AKT3: variants seen among roughly 807,000 people sequenced by gnomAD.
The protein encoded by AKT3 is RAC-gamma serine/threonine-protein kinase.
A neutral mutation model predicts 65.3 loss-of-function variants in AKT3; 15 were observed. The ratio of observed to expected loss-of-function variants is 0.23; its 90% CI spans 0.15 to 0.35. The LOEUF (loss-of-function observed/expected upper bound fraction) is 0.35. Among genes scored for constraint, AKT3 ranks in the 10% least tolerant of loss-of-function variants. AKT3 has a pLI of 1.00. For synonymous variants in AKT3, 206 were observed against 183.8 expected, an observed-to-expected ratio of 1.12 and a Z score of -0.98; for missense variants, 243 against 576.5, an observed-to-expected ratio of 0.42 and a Z score of 5.92.
At chr1:243,521,176 T>C (rs1255740224) in intron 12 of AKT3, among the ~76,000 whole-genome samples, 1 of 152,226 alleles carries the variant, frequency 6.6e-6, no homozygotes. Context: ...GTGATTGTGG[T>C]ATCTTAATTG....
Position 243,503,932 on chromosome 1 carries a change from G to T in AKT3, c.*1317C>A. On this transcript the variant is annotated 3_prime_UTR_variant, in exon 14 of 14. Transcript: ENST00000673466. ...ATCATAACGTTTCAAATTCTTAAAT[G>T]AGCAAACGTCAACAGCTATTTGTTT... 4.4e-6 allele frequency: 1 copy of T among 226,244 alleles called. No homozygotes were observed. Among genetic ancestry groups the T allele is most frequent in the East Asian group, 6.4e-5 (1 of 15,506 alleles). The allele number at this position is 226,244 out of a possible 1,614,324, so 14.0% of individuals were successfully genotyped here.
At chr1:243,644,947 G>A (rs1193975115) in intron 5 of AKT3, among the ~76,000 whole-genome samples, 1 of 152,116 alleles carries the variant, frequency 6.6e-6, no homozygotes, top group Non-Finnish European at 1.5e-5. Context: ...AATCTACAAT[G>A]AAGACAGAAA....
At chr1:243,566,486 G>C (rs1378191440) in intron 9 of AKT3, among the ~76,000 whole-genome samples, 1 of 152,116 alleles carries the variant, frequency 6.6e-6, no homozygotes, top group Non-Finnish European at 1.5e-5. Context: ...GATATAGTAA[G>C]AAATAAGATA....
At chr1:243,638,876 A>T (rs1680170752) in intron 5 of AKT3, among the ~76,000 whole-genome samples, 1 of 152,148 alleles carries the variant, frequency 6.6e-6, no homozygotes. Context: ...AATGATACAG[A>T]TCAGAGCAGA....
intron 12 of AKT3, among the ~76,000 whole-genome samples, chr1:243,535,552 T>C (rs1384076501): frequency 2.0e-5 from 3 of 152,216 alleles, no homozygotes; most frequent in Non-Finnish European, 4.4e-5. Flanking sequence ...ATACATTATT[T>C]TGTTCTTTTT....
chr1:243,709,245 C>T (rs1454873039), intron 2 of AKT3, among the ~76,000 whole-genome samples: 1 of 147,382 alleles, frequency 6.8e-6, no homozygotes, highest in Non-Finnish European at 1.5e-5. Context: ...CAGGTCCCAC[C>T]ACTTCTCCCA....
chr1:243,585,787 C>G (rs1344921700), intron 8 of AKT3, among the ~76,000 whole-genome samples: 1 of 152,052 alleles, frequency 6.6e-6, no homozygotes, highest in East Asian at 1.9e-4. Context: ...TATAAGAATC[C>G]TAGAAGAAAA....
At chr1:243,732,610 A>C (rs1255038149) in intron 2 of AKT3, among the ~76,000 whole-genome samples, 1 of 152,228 alleles carries the variant, frequency 6.6e-6, no homozygotes, top group African/African-American at 2.4e-5. Flanking sequence ...AAAAATAAGT[A>C]ATAAATACCA....
At chr1:243,666,346 T>C (rs1682777200) in intron 3 of AKT3, among the ~76,000 whole-genome samples, 1 of 152,174 alleles carries the variant, frequency 6.6e-6, no homozygotes, top group Non-Finnish European at 1.5e-5. Flanking sequence ...AGAGAAATCA[T>C]TCACCCAAGG....
chr1:243,587,616 T>C (rs940413707), intron 8 of AKT3, among the ~76,000 whole-genome samples: 12 of 151,936 alleles, frequency 7.9e-5, no homozygotes, highest in African/African-American at 2.9e-4. Flanking sequence ...GTCTCAAAAA[T>C]ACATACATAA....
At chr1:243,489,118 A>T in intron 13 of AKT3, 1 of 1,612,852 alleles carries the variant, frequency 6.2e-7, no homozygotes, top group Non-Finnish European at 8.5e-7. Context: ...CTGTCGGAAG[A>T]GGTGGACCGG....
At chr1:243,819,404 G>C (rs552136724) in intron 2 of AKT3, among the ~76,000 whole-genome samples, 1 of 152,200 alleles carries the variant, frequency 6.6e-6, no homozygotes, top group African/African-American at 2.4e-5. Context: ...CTTCAGGCCA[G>C]ATCCTGACCC....
chr1:243,684,308 G>T (rs1684132748), intron 3 of AKT3, among the ~76,000 whole-genome samples: 1 of 151,594 alleles, frequency 6.6e-6, no homozygotes, highest in African/African-American at 2.4e-5. Flanking sequence ...CCCTCCCCTA[G>T]CCCCCAATCT....
intron 8 of AKT3, 100 bp from the exon 9 acceptor site, chr1:243,573,148 T>G: frequency 7.4e-7 from 1 of 1,354,152 alleles, no homozygotes; most frequent in Non-Finnish European, 1.0e-6. Context: ...ATTGTGATGA[T>G]AGATAGTGTA....
At chr1:243,828,649 TCTTA>T (rs1272681955) in intron 2 of AKT3, among the ~76,000 whole-genome samples, 2 of 152,208 alleles carry the variant, frequency 1.3e-5, no homozygotes, top group Non-Finnish European at 2.9e-5. Flanking sequence ...ACATTTTTTC[TCTTA>T]CTTCATTGTA....
intron 2 of AKT3, among the ~76,000 whole-genome samples, chr1:243,812,350 C>A (rs1264282544): frequency 2.6e-5 from 4 of 152,166 alleles, no homozygotes; most frequent in Non-Finnish European, 5.9e-5. Context: ...ACCCCATCAA[C>A]AAGTGGGTGA....
intron 12 of AKT3, among the ~76,000 whole-genome samples, chr1:243,544,350 G>A (rs1672515631): frequency 1.3e-5 from 2 of 151,924 alleles, no homozygotes; most frequent in South Asian, 2.1e-4. Context: ...AAGGGTGGGT[G>A]CAGTGGTTCA....
chr1:243,661,091 A>G (rs895285700), intron 4 of AKT3, among the ~76,000 whole-genome samples: 3 of 152,122 alleles, frequency 2.0e-5, no homozygotes, highest in Admixed American at 6.5e-5. Flanking sequence ...TTCCATGCTC[A>G]TGGGTAGGAA....
chr1:243,825,764 C>T (rs897151301), intron 2 of AKT3, among the ~76,000 whole-genome samples: 5 of 152,164 alleles, frequency 3.3e-5, no homozygotes, highest in African/African-American at 1.2e-4. Flanking sequence ...GGGAATAAAA[C>T]TAATTGAAAT....
Sources: allele counts gnomAD v4.1 joint callset (sites outside exome capture counted in the v4.1 genomes callset), GRCh38; gene constraint gnomAD v4.1.1; transcripts MANE v1.5; gene names NCBI Gene and HGNC (gene_info 2026-07-23, HGNC 2026-07-21).